Variants in LRP5 observed in about 807,000 individuals in gnomAD.
LRP5 encodes the protein LDL receptor related protein 5.
In LRP5, 62 loss-of-function variants were observed where a neutral mutation model predicts 154.1. That is an observed-to-expected ratio of 0.40 (90% confidence interval 0.33 to 0.50). The LOEUF (loss-of-function observed/expected upper bound fraction) is 0.50. Among genes scored for constraint, LRP5 ranks in the 20% least tolerant of loss-of-function variants. The pLI, the probability that LRP5 is intolerant of heterozygous loss-of-function variation, is 0.55. For synonymous variants in LRP5, 966 were observed against 1,011.5 expected (o/e 0.96, Z 0.85); for missense variants, 1,915 against 2,336.7 (o/e 0.82, Z 3.72).
At chr11:68,346,001 A>G (rs768421743) in intron 1 of LRP5, among the ~76,000 whole-genome samples, 3 of 152,140 alleles carry the variant, frequency 2.0e-5, no homozygotes, top group Non-Finnish European at 4.4e-5. Flanking sequence ...TTGTTTGCCC[A>G]TTTTTGAGTT....
chr11:68,300,485 A>G, the LRP5 span, among the ~76,000 whole-genome samples: 4 of 149,556 alleles, frequency 2.7e-5, no homozygotes, highest in Non-Finnish European at 6.0e-5. Context: ...AAGGCCTCAG[A>G]CAGCAAAATA....
intron 7 of LRP5, among the ~76,000 whole-genome samples, chr11:68,397,162 G>A (rs75145025): frequency 4.1e-4 from 63 of 152,242 alleles, no homozygotes; most frequent in East Asian, 1.5e-3. Flanking sequence ...AAGCCCTCAC[G>A]TTCTTGCCTC....
At chr11:68,317,231 TC>T (rs2153112461) in intron 1 of LRP5, among the ~76,000 whole-genome samples, 1 of 152,238 alleles carries the variant, frequency 6.6e-6, no homozygotes, top group East Asian at 1.9e-4. Context: ...AGCCTCAGTT[TC>T]CTCATCTGCA....
At chr11:68,350,988 G>A (rs901804732) in intron 2 of LRP5, among the ~76,000 whole-genome samples, 3 of 152,168 alleles carry the variant, frequency 2.0e-5, no homozygotes, top group African/African-American at 2.4e-5. Context: ...GTGGATATTT[G>A]TGTGTGTATG....
At chr11:68,409,025 G>A (rs1170252842) in intron 9 of LRP5, among the ~76,000 whole-genome samples, 3 of 126,040 alleles carry the variant, frequency 2.4e-5, no homozygotes, top group East Asian at 2.2e-4. Flanking sequence ...ACTCCAACCT[G>A]AGCGACAGAG....
intron 5 of LRP5, among the ~76,000 whole-genome samples, chr11:68,368,630 G>A (rs2098632379): frequency 6.6e-6 from 1 of 152,148 alleles, no homozygotes; most frequent in Non-Finnish European, 1.5e-5. Flanking sequence ...GTCTGGAGGT[G>A]GTCTCTTACT....
chr11:68,435,683 TCTATG>T (rs961238407), intron 18 of LRP5, among the ~76,000 whole-genome samples: 2 of 152,150 alleles, frequency 1.3e-5, no homozygotes, highest in Non-Finnish European at 2.9e-5. Flanking sequence ...TTTATTCTGT[TCTATG>T]CTATGCTATG....
chr11:68,432,718 G>T (rs188666657), intron 17 of LRP5, among the ~76,000 whole-genome samples: 1 of 152,336 alleles, frequency 6.6e-6, no homozygotes, highest in African/African-American at 2.4e-5. Flanking sequence ...TCTGCACAAA[G>T]TGGGAGGGAG....
intron 9 of LRP5, among the ~76,000 whole-genome samples, chr11:68,407,910 C>G (rs929840076): frequency 2.5e-4 from 38 of 152,138 alleles, no homozygotes; most frequent in Admixed American, 2.1e-3. Context: ...TCTGTGGCAG[C>G]TTTTGTTCTG....
chr11:68,313,339 G>A (rs544926113), intron 1 of LRP5, among the ~76,000 whole-genome samples: 130 of 152,264 alleles, frequency 8.5e-4, no homozygotes, highest in Non-Finnish European at 1.3e-3. Context: ...GTGGCTGTGG[G>A]TTTCCAAGCG....
At chr11:68,393,436 A>G (rs1039709554) in intron 7 of LRP5, among the ~76,000 whole-genome samples, 3 of 152,220 alleles carry the variant, frequency 2.0e-5, no homozygotes, top group Non-Finnish European at 4.4e-5. Context: ...CCCCACCGGC[A>G]GTGTGTGAGG....
intron 13 of LRP5, among the ~76,000 whole-genome samples, chr11:68,417,059 G>A (rs1413134350): frequency 6.6e-6 from 1 of 152,196 alleles, no homozygotes; most frequent in Non-Finnish European, 1.5e-5. Flanking sequence ...CACATTAAAT[G>A]GTTAGCTATA....
intron 5 of LRP5, among the ~76,000 whole-genome samples, chr11:68,376,490 A>G (rs190151408): frequency 6.6e-6 from 1 of 152,124 alleles, no homozygotes; most frequent in East Asian, 1.9e-4. Flanking sequence ...GGCCGGCCCT[A>G]CTTCTTAAAT....
rs2098617320 is a variant in LRP5 at position 68,350,418 on chromosome 11, C to T, written c.488+2175C>T. 6.6e-5 allele frequency among the ~76,000 whole-genome samples: 10 copies of T among 152,256 alleles called. No individual in the cohort carries two copies. The South Asian group carries it at 2.1e-3, about 31-fold the overall frequency. On this transcript the variant is annotated intron_variant, in intron 2 of 22. Coordinates refer to ENST00000294304, the MANE Select transcript of LRP5 (RefSeq NM_002335.4). ...CTGCCACAGGAGCCCGCCTGCCCTC[C>T]TCCCTGAAGTCAGGGCTCTGGAAGC...
At chr11:68,444,313 G>C (rs968399056) in intron 21 of LRP5, among the ~76,000 whole-genome samples, 7 of 151,930 alleles carry the variant, frequency 4.6e-5, no homozygotes, top group African/African-American at 1.7e-4. Context: ...TCAGGAGTTC[G>C]AGACCAGCCT....
At chr11:68,366,339 T>C (rs867742811) in intron 5 of LRP5, among the ~76,000 whole-genome samples, 2 of 151,456 alleles carry the variant, frequency 1.3e-5, no homozygotes, top group South Asian at 2.1e-4. Flanking sequence ...CCAAGTGGGC[T>C]GGCTTCCACA....
At chr11:68,382,071 G>A (rs1013396575) in intron 5 of LRP5, among the ~76,000 whole-genome samples, 1 of 152,226 alleles carries the variant, frequency 6.6e-6, no homozygotes, top group African/African-American at 2.4e-5. Flanking sequence ...TCTCTCCCAG[G>A]TGTCTCAGTC....
intron 2 of LRP5, among the ~76,000 whole-genome samples, chr11:68,355,117 G>C (rs2098622098): frequency 2.0e-5 from 3 of 152,196 alleles, no homozygotes; most frequent in South Asian, 4.1e-4. Context: ...GGATGGGGTG[G>C]CCCTTGGTGC....
At chr11:68,363,292 TGCAC>T (rs1233324699) in intron 3 of LRP5, among the ~76,000 whole-genome samples, 1 of 152,194 alleles carries the variant, frequency 6.6e-6, no homozygotes, top group Admixed American at 6.5e-5. Flanking sequence ...AGGTGCCCTG[TGCAC>T]GCCGGGAGAA....
Sources: allele counts gnomAD v4.1 joint callset (sites outside exome capture counted in the v4.1 genomes callset), GRCh38; gene constraint gnomAD v4.1.1; transcripts MANE v1.5; gene names NCBI Gene and HGNC (gene_info 2026-07-23, HGNC 2026-07-21).